TSPAN14: variants seen among roughly 807,000 people sequenced by gnomAD.
TSPAN14 encodes tetraspanin-14.
TSPAN14 carries 16 observed loss-of-function variants against 36.6 expected under a neutral mutation model. The observed-to-expected ratio is 0.44, with a 90% CI of 0.30 to 0.66. The LOEUF (loss-of-function observed/expected upper bound fraction) is 0.66, where lower values mean the gene tolerates loss of function less well. Ranked by LOEUF, TSPAN14 falls within the 30% of genes least tolerant of loss-of-function variation. The pLI is 0.12. For synonymous variants in TSPAN14, 139 were observed against 143.8 expected (o/e 0.97, Z 0.24); for missense variants, 231 against 355.1 (o/e 0.65, Z 2.81).
At chr10:80,487,704 A>G (rs867319434) in intron 1 of TSPAN14, among the ~76,000 whole-genome samples, 1 of 134,804 alleles carries the variant, frequency 7.4e-6, no homozygotes, top group African/African-American at 2.8e-5. Context: ...CTTGGAGGCA[A>G]GTTTTATGGA....
At chr10:80,492,233 A>T (rs1425991859) in intron 2 of TSPAN14, among the ~76,000 whole-genome samples, 1 of 152,186 alleles carries the variant, frequency 6.6e-6, no homozygotes, top group Non-Finnish European at 1.5e-5. Flanking sequence ...GGATAATAAA[A>T]TGAACTCCAT....
At chr10:80,505,152 G>A (rs543098153) in intron 3 of TSPAN14, among the ~76,000 whole-genome samples, 12 of 152,246 alleles carry the variant, frequency 7.9e-5, no homozygotes, top group Non-Finnish European at 1.2e-4. Context: ...CCTCCAGGAT[G>A]AGAAAGAGCA....
exon 1 of TSPAN14, chr10:80,454,311 A>T (rs1845625090): frequency 6.7e-6 from 1 of 150,174 alleles, no homozygotes; most frequent in Non-Finnish European, 1.5e-5. Context: ...CGCGCCGCGG[A>T]ACTTGCTCTA....
intron 6 of TSPAN14, among the ~76,000 whole-genome samples, chr10:80,512,871 T>TTTG (rs147443704): frequency 4.0e-5 from 6 of 150,428 alleles, no homozygotes; most frequent in South Asian, 4.2e-4. Context: ...TTATTTTCTG[T>TTTG]TTGTTGTTGT....
chr10:80,459,490 C>CTGGGATTCTGGTAAGAGG (rs1377085575), intron 1 of TSPAN14: 1 of 153,502 alleles, frequency 6.5e-6, no homozygotes, highest in Non-Finnish European at 1.4e-5. Flanking sequence ...AAAGTGGCTT[C>CTGGGATTCTGGTAAGAGG]TGGGATTCTG....
Position 80,509,948 on chromosome 10 carries a change from C to T in TSPAN14, c.450+477C>T, listed in dbSNP as rs574797352. On this transcript the variant is annotated intron_variant, in intron 5 of 8. Transcript: ENST00000429989. The surrounding 1 kb of genome is among the most constrained non-coding windows in gnomAD (Gnocchi z 4.7). ...TTCCTGTTTAAGAAGCCAGGGCTGC[C>T]TGGAGGAAGCTTTGTCAGATCTAGT... 4 of 161,772 alleles carry T rather than the reference C, an allele frequency of 2.5e-5. No individual in the cohort carries two copies. The highest frequency in any genetic ancestry group is 2.3e-4 in the Admixed American group (4 of 17,132). 10.0% of individuals were successfully genotyped at this position (161,772 alleles called of 1,614,324 possible).
At chr10:80,489,400 C>T (rs923439792) in intron 2 of TSPAN14, 86 bp downstream of exon 2, 15 of 979,108 alleles carry the variant, frequency 1.5e-5, no homozygotes, top group Non-Finnish European at 2.2e-5. Flanking sequence ...ATTTGCCAGA[C>T]ACTATGTAAG....
chr10:80,506,897 C>G (rs1371139967), intron 3 of TSPAN14, among the ~76,000 whole-genome samples: 1 of 152,198 alleles, frequency 6.6e-6, no homozygotes, highest in Non-Finnish European at 1.5e-5. Context: ...CCTGGGTGAC[C>G]AGTTTGACCA....
At chr10:80,510,715 AT>A (rs139022852) in intron 5 of TSPAN14, among the ~76,000 whole-genome samples, 11,766 of 152,126 alleles carry the variant, frequency 0.077, 446 homozygotes, top group African/African-American at 0.086. Context: ...TCTACTAAAA[AT>A]ACAAAAAATT....
chr10:80,512,128 G>A lies in TSPAN14; in HGVS notation c.451-16G>A, dbSNP rs1840691065. The A allele has an allele frequency of 6.2e-7, 1 of 1,614,090 alleles. No individual in the cohort carries two copies. On this transcript the variant is annotated splice_polypyrimidine_tract_variant and intron_variant, in intron 5 of 8. Coordinates refer to ENST00000429989, the Ensembl canonical transcript of TSPAN14. ...TGTCTTGGAGCCCCTAACAGTTCTG[G>A]CTTTTGTGGTTGCAGAACCAGTGCT...
intron 1 of TSPAN14, among the ~76,000 whole-genome samples, chr10:80,455,767 A>G (rs1389952154): frequency 2.0e-5 from 3 of 152,162 alleles, no homozygotes; most frequent in East Asian, 3.9e-4. Flanking sequence ...ATGCCCTTCT[A>G]TCCCCTTAGC....
chr10:80,505,016 T>C (rs1237141916), intron 3 of TSPAN14, among the ~76,000 whole-genome samples: 1 of 152,218 alleles, frequency 6.6e-6, no homozygotes, highest in Admixed American at 6.5e-5. Context: ...TGTGGAGAGC[T>C]CAGCTCTTGT....
At chr10:80,462,666 A>G (rs1846041096) in intron 1 of TSPAN14, among the ~76,000 whole-genome samples, 1 of 152,204 alleles carries the variant, frequency 6.6e-6, no homozygotes, top group Non-Finnish European at 1.5e-5. Context: ...ATAAATCTAC[A>G]AGTGCATCTC....
At chr10:80,456,830 A>T (rs1470189290) in intron 1 of TSPAN14, among the ~76,000 whole-genome samples, 3 of 152,194 alleles carry the variant, frequency 2.0e-5, no homozygotes, top group Non-Finnish European at 4.4e-5. Context: ...TGGGAGGCCG[A>T]GGTGGGTGGA....
intron 1 of TSPAN14, among the ~76,000 whole-genome samples, chr10:80,480,921 A>T (rs1309715427): frequency 6.6e-6 from 1 of 152,136 alleles, no homozygotes; most frequent in Non-Finnish European, 1.5e-5. Flanking sequence ...CCTAAAACTT[A>T]AAGTATAATA....
At chr10:80,472,885 T>C (rs79478389) in intron 1 of TSPAN14, among the ~76,000 whole-genome samples, 1,595 of 152,334 alleles carry the variant, frequency 0.01, 31 homozygotes, top group African/African-American at 0.037. Context: ...AAAACATGCA[T>C]TTCCAAGTCT....
chr10:80,455,814 A>G (rs1001738805), intron 1 of TSPAN14, among the ~76,000 whole-genome samples: 3 of 152,064 alleles, frequency 2.0e-5, no homozygotes, highest in African/African-American at 7.3e-5. Flanking sequence ...GCTGGGCTCA[A>G]GTGATCCTCC....
chr10:80,512,021 T>C, intron 5 of TSPAN14, 123 bp from the exon 6 acceptor site: 1 of 1,487,186 alleles, frequency 6.7e-7, no homozygotes. Flanking sequence ...GGGGCGGGCC[T>C]TGATTTCTCT....
At chr10:80,504,103 A>G (rs1840148778) in intron 2 of TSPAN14, among the ~76,000 whole-genome samples, 4 of 152,174 alleles carry the variant, frequency 2.6e-5, no homozygotes, top group Non-Finnish European at 5.9e-5. Context: ...TCTCTAGCTA[A>G]AAGCCCAGCC....
Sources: allele counts gnomAD v4.1 joint callset (sites outside exome capture counted in the v4.1 genomes callset), GRCh38; gene constraint gnomAD v4.1.1; non-coding constraint Gnocchi (gnomAD v3.1); transcripts MANE v1.5; gene names NCBI Gene and HGNC (gene_info 2026-07-23, HGNC 2026-07-21).